The following RNF185 variants were observed in gnomAD, a reference collection of about 807,000 sequenced individuals.
RNF185 encodes E3 ubiquitin-protein ligase RNF185.
Under a neutral mutation model 24.9 loss-of-function variants are expected in RNF185, and 13 were observed. The observed-to-expected ratio is 0.52, with a 90% CI of 0.34 to 0.83. The LOEUF is 0.83. Ranked by LOEUF, RNF185 falls within the 40% of genes least tolerant of loss-of-function variation. The pLI, the probability that RNF185 is intolerant of heterozygous loss-of-function variation, is 0.01. For synonymous variants in RNF185, 79 were observed against 90.3 expected (o/e 0.88, Z 0.71); for missense variants, 184 against 244.7 (o/e 0.75, Z 1.65).
intron 1 of RNF185, among the ~76,000 whole-genome samples, chr22:31,179,073 G>C (rs995929290): frequency 6.6e-6 from 1 of 152,192 alleles, no homozygotes; most frequent in African/African-American, 2.4e-5. Context: ...GAAAACTAGA[G>C]AGTGGATTCT....
chr22:31,166,894 C>T (rs1923957482), intron 1 of RNF185, among the ~76,000 whole-genome samples: 1 of 152,176 alleles, frequency 6.6e-6, no homozygotes, highest in South Asian at 2.1e-4. Flanking sequence ...AGACGATCCA[C>T]CCACCTCAGC....
intron 1 of RNF185, among the ~76,000 whole-genome samples, chr22:31,179,969 CT>C (rs1354717584): frequency 6.6e-6 from 1 of 152,132 alleles, no homozygotes; most frequent in East Asian, 1.9e-4. Context: ...GATACTCTCA[CT>C]TTTCAGGTGA....
Position 31,204,836 on chromosome 22 carries a change from A to G in RNF185, c.*250A>G, listed in dbSNP as rs1160849373. 3 of 416,776 alleles carry G rather than the reference A, an allele frequency of 7.2e-6. No homozygotes were observed. The highest frequency in any genetic ancestry group is 1.3e-5 in the Non-Finnish European group (3 of 223,274). 25.8% of individuals were successfully genotyped at this position (416,776 alleles called of 1,614,324 possible). On this transcript the variant is annotated 3_prime_UTR_variant, in exon 7 of 7. Coordinates refer to ENST00000326132, the MANE Select transcript of RNF185 (RefSeq NM_152267.4). ...CATTGAGTCATCTCTCATGGGTGAC[A>G]CCATGAAATCTTGTTTCAGCCAGTT...
In RNF185 at chr22:31,187,026, CA is replaced by C; in HGVS notation, c.-48-19del. 1 of 1,512,912 alleles carries C rather than the reference CA, an allele frequency of 6.6e-7. No individual in the cohort carries two copies. The highest frequency in any genetic ancestry group is 1.3e-5 in the South Asian group (1 of 79,592). The allele number at this position is 1,512,912 out of a possible 1,614,324, so 93.7% of individuals were successfully genotyped here. A position where few individuals can be genotyped will look rare whatever the true frequency, so the allele number is the denominator to read the frequency against. On this transcript the variant is annotated intron_variant, in intron 1 of 6. Coordinates refer to ENST00000326132, the MANE Select transcript of RNF185 (RefSeq NM_152267.4). ...GGAGAGGGCTGCAGAAATGGACAGT[CA>C]AGAGTTCTCTGCCTTTTAGGATTTC...
intron 5 of RNF185, among the ~76,000 whole-genome samples, chr22:31,198,766 G>A (rs2048233874): frequency 7.7e-6 from 1 of 129,520 alleles, no homozygotes; most frequent in Non-Finnish European, 1.6e-5. Flanking sequence ...AGGATTTCCA[G>A]GAGTAGGATT....
chr22:31,161,402 A>T (rs990655745), intron 1 of RNF185, among the ~76,000 whole-genome samples: 2 of 152,128 alleles, frequency 1.3e-5, no homozygotes, highest in South Asian at 2.1e-4. Context: ...CACTTCCATC[A>T]CTTTAGCCTA....
At chr22:31,186,211 A>T (rs1195914170) in intron 1 of RNF185, among the ~76,000 whole-genome samples, 1 of 152,172 alleles carries the variant, frequency 6.6e-6, no homozygotes, top group Non-Finnish European at 1.5e-5. Flanking sequence ...CAGAAGGAGG[A>T]TTGAAAAAGA....
At chr22:31,196,609 G>A (rs1370342925) in intron 4 of RNF185, among the ~76,000 whole-genome samples, 1 of 152,166 alleles carries the variant, frequency 6.6e-6, no homozygotes, top group Non-Finnish European at 1.5e-5. Context: ...TGGGATTTCT[G>A]TTATCTGTAA....
At chr22:31,202,860 C>T (rs1056590366) in intron 6 of RNF185, among the ~76,000 whole-genome samples, 8 of 152,234 alleles carry the variant, frequency 5.3e-5, no homozygotes, top group Non-Finnish European at 4.4e-5. Context: ...GTGATCCGCC[C>T]GCCTGGGCCT....
chr22:31,173,442 C>CACACACACACAT (rs2047951212), intron 1 of RNF185, among the ~76,000 whole-genome samples: 1 of 151,544 alleles, frequency 6.6e-6, no homozygotes, highest in South Asian at 2.1e-4. Context: ...CACACACACA[C>CACACACACACAT]GTATGTATAT....
chr22:31,196,942 G>T lies in RNF185; in HGVS notation c.315G>T (p.Lys105Asn). 1 of 1,612,144 alleles carries T rather than the reference G, an allele frequency of 6.2e-7. No homozygotes were observed. Among genetic ancestry groups the T allele is most frequent in the Non-Finnish European group, 8.5e-7 (1 of 1,179,396 alleles). ...GSTGQQDPRE[K>N]TPPRPQGQRP... is the part of the protein sequence containing the mutation. ...TACACCATTTCTGTTTCAGAGAGAA[G>T]ACCCCTCCTCGTCCTCAAGGACAGA... is the stretch of plus-strand genomic sequence containing the variant. Residue 105 changes from lysine to asparagine, a missense_variant, in exon 5 of 7, where the codon AAG becomes AAT. Physicochemically the swap from Lys to Asn is moderately conservative, Grantham distance 94. Coordinates refer to ENST00000326132, the MANE Select transcript of RNF185 (RefSeq NM_152267.4).
At chr22:31,171,398 C>T (rs2047928575) in intron 1 of RNF185, among the ~76,000 whole-genome samples, 1 of 150,016 alleles carries the variant, frequency 6.7e-6, no homozygotes, top group African/African-American at 2.5e-5. Context: ...CCAGGCTGGT[C>T]TTGAACTCCT....
Position 31,187,168 on chromosome 22 carries a change from A to G in RNF185, c.74A>G (p.Asn25Ser), listed in dbSNP as rs772934187. 11 of 1,613,716 alleles carry G rather than the reference A, an allele frequency of 6.8e-6. No individual in the cohort carries two copies. The highest frequency in any genetic ancestry group is 5.0e-5 in the Admixed American group (3 of 59,958). Reference protein sequence around the residue: ...SSAGGPSGSSNGAGESGGQDS... With the variant: ...SSAGGPSGSSSGAGESGGQDS... ...GCAGGGGGGCCCAGTGGGAGCAGCA[A>G]TGGCGCTGGCGAGAGCGGAGGGCAG... Residue 25 changes from asparagine (N) to serine (S), a missense_variant, in exon 2 of 7, where the codon AAT becomes AGT. Asn to Ser is a conservative substitution (Grantham distance 46, BLOSUM62 1). Transcript: ENST00000326132.
At position 31,206,918 on chromosome 22, in the gene RNF185, AATG is replaced by A. The variant is rs1451083931; in HGVS notation, c.*2338_*2340del. The A allele has an allele frequency of 2.0e-5, 3 of 152,328 alleles. No homozygotes were observed. The highest frequency in any genetic ancestry group is 4.4e-5 in the Non-Finnish European group (3 of 68,038). The allele number at this position is 152,328 out of a possible 1,614,324, so 9.4% of individuals were successfully genotyped here. ...GACCAGGTCCTGACCCCAGTCAGAA[AATG>A]ATGATATGTACAGTGGCACACCTTA... is the stretch of plus-strand genomic sequence containing the variant. On this transcript the variant is annotated 3_prime_UTR_variant, in exon 7 of 7. Transcript: ENST00000326132.
At chr22:31,182,031 T>C (rs951018699) in intron 1 of RNF185, among the ~76,000 whole-genome samples, 19 of 150,768 alleles carry the variant, frequency 1.3e-4, no homozygotes, top group African/African-American at 3.9e-4. Flanking sequence ...TAAAAAAATG[T>C]GTCTCTAGCA....
At chr22:31,179,135 C>T (rs993299799) in intron 1 of RNF185, among the ~76,000 whole-genome samples, 15 of 152,210 alleles carry the variant, frequency 9.9e-5, no homozygotes, top group Admixed American at 8.5e-4. Flanking sequence ...GAACTAGCCA[C>T]AACAAGGTTG....
At chr22:31,195,035 C>T (rs963914418) in intron 3 of RNF185, among the ~76,000 whole-genome samples, 2 of 152,086 alleles carry the variant, frequency 1.3e-5, no homozygotes, top group Admixed American at 1.3e-4. Flanking sequence ...TCACTGCAAC[C>T]TCCGCCTCCC....
Position 31,187,069 on chromosome 22 carries a change from A to G in RNF185, c.-26A>G, listed in dbSNP as rs1221153622. 2.5e-6 allele frequency: 4 copies of G among 1,593,152 alleles called. No homozygotes were observed. In the Admixed American group the frequency reaches 7.4e-5, roughly 30 times the overall value. On this transcript the variant is annotated 5_prime_UTR_variant, in exon 2 of 7. Transcript: ENST00000326132. ...TAGGATTTCCCTGGGGAAAGTCTTC[A>G]CTCAGAGCTTCGCTGACAGCCAAGG...
chr22:31,199,113 A>G (rs1043731892), intron 5 of RNF185, among the ~76,000 whole-genome samples: 2 of 151,730 alleles, frequency 1.3e-5, no homozygotes, highest in African/African-American at 4.8e-5. Flanking sequence ...AAAAAAAAAA[A>G]AGAAAGAAAG....
Sources: allele counts gnomAD v4.1 joint callset (sites outside exome capture counted in the v4.1 genomes callset), GRCh38; gene constraint gnomAD v4.1.1; transcripts MANE v1.5; gene names NCBI Gene and HGNC (gene_info 2026-07-23, HGNC 2026-07-21).